The following GABRG3 variants were observed in gnomAD, a reference collection of about 807,000 sequenced individuals.
GABRG3 encodes gamma-aminobutyric acid type A receptor subunit gamma3, also known as gamma-aminobutyric acid receptor subunit gamma-3.
A neutral mutation model predicts 48.8 loss-of-function variants in GABRG3; 25 were observed. The ratio of observed to expected loss-of-function variants is 0.51; its 90% CI spans 0.37 to 0.72. GABRG3 has a LOEUF of 0.72. GABRG3 is among the 30% of genes least tolerant of loss of function. GABRG3 has a pLI of 0.00. For synonymous variants in GABRG3, 227 were observed against 217.6 expected (o/e 1.04, Z -0.38); for missense variants, 394 against 577.9 (o/e 0.68, Z 3.26).
At chr15:27,433,630 TAATTC>T (rs956623219) in intron 5 of GABRG3, among the ~76,000 whole-genome samples, 6 of 152,208 alleles carry the variant, frequency 3.9e-5, no homozygotes, top group Admixed American at 3.9e-4. Flanking sequence ...AATGATCCCC[TAATTC>T]AACAGATGCC....
chr15:27,528,497 A>G (rs73373607), intron 9 of GABRG3, among the ~76,000 whole-genome samples: 3,419 of 152,262 alleles, frequency 0.022, 125 homozygotes, highest in African/African-American at 0.077. Context: ...ACCAATTTGT[A>G]TATACCTGTG....
intron 3 of GABRG3, among the ~76,000 whole-genome samples, chr15:27,054,857 G>A (rs1305880653): frequency 6.6e-6 from 1 of 152,060 alleles, no homozygotes; most frequent in Non-Finnish European, 1.5e-5. Flanking sequence ...TATTAAGATC[G>A]ACTACAAAAG....
chr15:27,283,013 C>G (rs1288792147), intron 3 of GABRG3, among the ~76,000 whole-genome samples: 2 of 152,160 alleles, frequency 1.3e-5, no homozygotes, highest in Non-Finnish European at 2.9e-5. Flanking sequence ...TGTAGATGAT[C>G]TATCTTAAGT....
rs556304329 is a variant in GABRG3, at chr15:27,153,795, T to C, written c.270+126974T>C. Among the ~76,000 whole-genome samples the C allele has an allele frequency of 5.9e-5, 9 of 152,288 alleles. No homozygotes were observed. In the East Asian group the frequency reaches 1.5e-3, roughly 26 times the overall value. ...TCTGTTCTAGTGTGTTGTGTACTTA[T>C]TTAGAGTCCCTTATATTAATTGTAG... On this transcript the variant is annotated intron_variant, in intron 3 of 9. Coordinates refer to ENST00000615808, the MANE Select transcript of GABRG3 (RefSeq NM_033223.5).
chr15:27,458,216 TAGG>T (rs1889344295), intron 5 of GABRG3, among the ~76,000 whole-genome samples: 1 of 152,196 alleles, frequency 6.6e-6, no homozygotes, highest in African/African-American at 2.4e-5. Flanking sequence ...AGGCGGCTTG[TAGG>T]AGAAGTGTCT....
chr15:27,493,431 G>A (rs1428874687), intron 6 of GABRG3, among the ~76,000 whole-genome samples: 1 of 152,096 alleles, frequency 6.6e-6, no homozygotes, highest in Non-Finnish European at 1.5e-5. Flanking sequence ...CCAGTATGCA[G>A]ATAGAAAATG....
intron 3 of GABRG3, among the ~76,000 whole-genome samples, chr15:27,200,024 CCTTA>C (rs376449514): frequency 1.3e-5 from 2 of 151,864 alleles, no homozygotes; most frequent in African/African-American, 4.8e-5. Context: ...TTCCTTCCTC[CCTTA>C]CTTTCTCCCT....
intron 5 of GABRG3, among the ~76,000 whole-genome samples, chr15:27,441,843 G>T (rs1173722900): frequency 6.6e-6 from 1 of 152,190 alleles, no homozygotes; most frequent in African/African-American, 2.4e-5. Context: ...TAAAGCTTGT[G>T]ATCAGGCTTG....
chr15:27,166,315 A>G (rs1480836213), intron 3 of GABRG3, among the ~76,000 whole-genome samples: 1 of 152,230 alleles, frequency 6.6e-6, no homozygotes, highest in African/African-American at 2.4e-5. Context: ...GATTGCAAAT[A>G]GAGTATCACC....
chr15:27,450,131 G>C (rs766515818), intron 5 of GABRG3, among the ~76,000 whole-genome samples: 1 of 152,138 alleles, frequency 6.6e-6, no homozygotes, highest in African/African-American at 2.4e-5. Context: ...ACACACTTGT[G>C]GGGGTGGAGT....
intron 5 of GABRG3, among the ~76,000 whole-genome samples, chr15:27,329,516 C>T (rs1465794041): frequency 3.3e-5 from 5 of 152,116 alleles, no homozygotes; most frequent in South Asian, 2.1e-4. Flanking sequence ...CCACCCACCT[C>T]GGCCTCCCAA....
chr15:27,501,751 C>T (rs1890645649), intron 6 of GABRG3, among the ~76,000 whole-genome samples: 1 of 152,168 alleles, frequency 6.6e-6, no homozygotes, highest in South Asian at 2.1e-4. Flanking sequence ...AGTCCAAGTT[C>T]TGTCTCGTTT....
At chr15:27,529,586 C>A (rs1891368780) in intron 9 of GABRG3, among the ~76,000 whole-genome samples, 1 of 152,110 alleles carries the variant, frequency 6.6e-6, no homozygotes. Flanking sequence ...ACATAGTTAT[C>A]TGCACTCTGC....
At chr15:27,501,244 C>T (rs1387104570) in intron 6 of GABRG3, among the ~76,000 whole-genome samples, 1 of 152,172 alleles carries the variant, frequency 6.6e-6, no homozygotes, top group African/African-American at 2.4e-5. Context: ...AGCCACCGTG[C>T]CCGGCCAAAG....
intron 5 of GABRG3, among the ~76,000 whole-genome samples, chr15:27,479,764 C>A (rs537272247): frequency 1.3e-5 from 2 of 152,302 alleles, no homozygotes; most frequent in South Asian, 4.1e-4. Flanking sequence ...AAGGCCTAGA[C>A]CTGTTCTTGA....
At chr15:27,210,453 C>T (rs1324901380) in intron 3 of GABRG3, among the ~76,000 whole-genome samples, 1 of 152,232 alleles carries the variant, frequency 6.6e-6, no homozygotes, top group Non-Finnish European at 1.5e-5. Flanking sequence ...TGTGTGCATT[C>T]TCTTTCCATC....
At chr15:27,031,877 G>A (rs963962639) in intron 3 of GABRG3, among the ~76,000 whole-genome samples, 10 of 152,186 alleles carry the variant, frequency 6.6e-5, no homozygotes, top group East Asian at 1.9e-4. Flanking sequence ...CTGAAGCACC[G>A]TGGTGCTCCT....
chr15:27,159,427 A>G (rs2286943), intron 3 of GABRG3, among the ~76,000 whole-genome samples: 23,490 of 151,668 alleles, frequency 0.15, 1,995 homozygotes, highest in Admixed American at 0.24. Context: ...GATTGCAGTG[A>G]TCCGAGATTG....
At chr15:27,399,051 A>G (rs774128788) in intron 5 of GABRG3, among the ~76,000 whole-genome samples, 1 of 152,220 alleles carries the variant, frequency 6.6e-6, no homozygotes, top group Non-Finnish European at 1.5e-5. Flanking sequence ...TTGAAAATTG[A>G]GCATGGCAGA....
Sources: gnomAD v4.1 joint callset for allele counts (sites outside exome capture counted in the v4.1 genomes callset) on GRCh38, gnomAD v4.1.1 for gene constraint, MANE v1.5 for transcripts, NCBI Gene and HGNC (gene_info 2026-07-23, HGNC 2026-07-21) for gene names.